RAB8B: variants seen among roughly 807,000 people sequenced by gnomAD.
RAB8B encodes the protein ras-related protein Rab-8B.
Under a neutral mutation model 32.0 loss-of-function variants are expected in RAB8B, and 11 were observed. The observed-to-expected ratio is 0.34, with a 90% CI of 0.22 to 0.57. The LOEUF is 0.57. RAB8B is among the 20% of genes least tolerant of loss of function. The pLI is 0.86. For synonymous variants in RAB8B, 103 were observed against 89.6 expected (o/e 1.15, Z -0.85); for missense variants, 190 against 258.5 (o/e 0.73, Z 1.82).
Position 63,259,745 on chromosome 15 carries a change from C to A in RAB8B, c.480+53C>A. ...ACGGAGCAGCACCAGTGCTTAGGGGCCTGTGTTCAAACAGCTCTCAGAGCT... is the reference window on the plus strand; with the variant it reads ...ACGGAGCAGCACCAGTGCTTAGGGGACTGTGTTCAAACAGCTCTCAGAGCT... On this transcript the variant is annotated intron_variant, in intron 6 of 7. Coordinates refer to ENST00000321437, the MANE Select transcript of RAB8B (RefSeq NM_016530.3). The surrounding 1 kb of genome is among the most constrained non-coding windows in gnomAD (Gnocchi z 4.4). 6.7e-7 allele frequency: 1 copy of A among 1,484,370 alleles called. No homozygotes were observed. The highest frequency in any genetic ancestry group is 9.4e-7 in the Non-Finnish European group (1 of 1,065,378). The allele number at this position is 1,484,370 out of a possible 1,614,324, so 91.9% of individuals were successfully genotyped here. A position where few individuals can be genotyped will look rare whatever the true frequency, so the allele number is the denominator to read the frequency against.
chr15:63,214,591 G>A (rs376459093), intron 1 of RAB8B, among the ~76,000 whole-genome samples: 1 of 151,990 alleles, frequency 6.6e-6, no homozygotes, highest in African/African-American at 2.4e-5. Flanking sequence ...CATCCACCAC[G>A]GCTTCTCAAA....
At chr15:63,198,929 C>T (rs767360646) in intron 1 of RAB8B, among the ~76,000 whole-genome samples, 73 of 152,334 alleles carry the variant, frequency 4.8e-4, no homozygotes, top group Non-Finnish European at 7.9e-4. Context: ...TGGGAGATGT[C>T]AGTGACTAAC....
intron 1 of RAB8B, among the ~76,000 whole-genome samples, chr15:63,206,966 T>C (rs1366601602): frequency 6.6e-6 from 1 of 152,172 alleles, no homozygotes; most frequent in Non-Finnish European, 1.5e-5. Flanking sequence ...ACACTGTTTA[T>C]TATCTGCTCC....
chr15:63,257,113 CTT>C (rs766564465), intron 5 of RAB8B, among the ~76,000 whole-genome samples: 1 of 152,088 alleles, frequency 6.6e-6, no homozygotes, highest in Non-Finnish European at 1.5e-5. Flanking sequence ...GCATTTCTCT[CTT>C]TTGTGTCCTG....
chr15:63,238,452 T>C (rs2038002829), intron 1 of RAB8B, among the ~76,000 whole-genome samples: 1 of 152,094 alleles, frequency 6.6e-6, no homozygotes, highest in Non-Finnish European at 1.5e-5. Flanking sequence ...GTCCCCTTTT[T>C]CTTTCTTATT....
intron 4 of RAB8B, among the ~76,000 whole-genome samples, chr15:63,256,243 C>T (rs1595750661): frequency 6.6e-6 from 1 of 152,148 alleles, no homozygotes; most frequent in African/African-American, 2.4e-5. Flanking sequence ...GAAATTTTGT[C>T]ATTAGATCAC....
chr15:63,253,817 G>A (rs1190679469), intron 3 of RAB8B, among the ~76,000 whole-genome samples: 9 of 152,214 alleles, frequency 5.9e-5, no homozygotes. Flanking sequence ...CCAGGACTTA[G>A]TGACTGATTG....
intron 6 of RAB8B, 117 bp from the exon 7 acceptor site, chr15:63,262,575 G>A (rs189106490): frequency 2.4e-4 from 71 of 300,292 alleles, no homozygotes; most frequent in African/African-American, 1.5e-3. Flanking sequence ...AATTCAGCCA[G>A]GGCAACATAG....
intron 1 of RAB8B, among the ~76,000 whole-genome samples, chr15:63,204,232 G>T (rs1476590547): frequency 6.6e-6 from 1 of 152,164 alleles, no homozygotes; most frequent in Non-Finnish European, 1.5e-5. Flanking sequence ...AGGACTACGT[G>T]CATTTTACAA....
At chr15:63,205,613 T>C (rs1480804371) in intron 1 of RAB8B, among the ~76,000 whole-genome samples, 4 of 152,216 alleles carry the variant, frequency 2.6e-5, no homozygotes, top group Non-Finnish European at 4.4e-5. Context: ...ACCATAGTTA[T>C]GTTCAGGGAA....
chr15:63,219,170 C>T (rs763703593), intron 1 of RAB8B, among the ~76,000 whole-genome samples: 5 of 151,370 alleles, frequency 3.3e-5, no homozygotes, highest in African/African-American at 4.9e-5. Flanking sequence ...TGGTGGCACG[C>T]GCCTGTAGTC....
At chr15:63,226,331 T>A (rs1305171495) in intron 1 of RAB8B, among the ~76,000 whole-genome samples, 2 of 152,220 alleles carry the variant, frequency 1.3e-5, no homozygotes, top group African/African-American at 4.8e-5. Flanking sequence ...TACAATTTGA[T>A]AAATGGATTA....
chr15:63,256,522 C>T lies in RAB8B; in HGVS notation c.342C>T (p.Val114=), dbSNP rs775166780. Residue 114 remains valine, a synonymous_variant, in exon 5 of 8, where the codon GTC becomes GTT. Transcript: ENST00000321437. ...RNIEEHASSD[V]ERMILGNKCD... ...CCCTGCAGCATGCCTCTTCCGATGT[C>T]GAAAGAATGATCCTGGGTAACAAAT... The T allele has an allele frequency of 2.7e-5, 44 of 1,600,126 alleles. 1 individual carries two copies. Among genetic ancestry groups the T allele is most frequent in the South Asian group, 2.7e-4 (24 of 87,760 alleles).
chr15:63,221,994 C>A (rs141773672), intron 1 of RAB8B, among the ~76,000 whole-genome samples: 7 of 152,278 alleles, frequency 4.6e-5, no homozygotes, highest in Non-Finnish European at 8.8e-5. Context: ...GGTCAGTTTT[C>A]TCTAATATTC....
At chr15:63,194,889 C>T (rs1017428989) in intron 1 of RAB8B, among the ~76,000 whole-genome samples, 1 of 152,210 alleles carries the variant, frequency 6.6e-6, no homozygotes, top group Non-Finnish European at 1.5e-5. Context: ...AAAATATTTA[C>T]TAACTGGTTC....
At chr15:63,209,867 A>T (rs908492377) in intron 1 of RAB8B, among the ~76,000 whole-genome samples, 2 of 151,992 alleles carry the variant, frequency 1.3e-5, no homozygotes, top group African/African-American at 4.8e-5. Flanking sequence ...CGTCATCTAC[A>T]TTAGGTATTT....
At chr15:63,202,988 A>G (rs931627737) in intron 1 of RAB8B, among the ~76,000 whole-genome samples, 3 of 152,180 alleles carry the variant, frequency 2.0e-5, no homozygotes, top group Non-Finnish European at 4.4e-5. Context: ...TATAGTCTTG[A>G]TTTATGCAGT....
intron 1 of RAB8B, 21 bp downstream of exon 1, chr15:63,189,769 C>G: frequency 7.2e-7 from 1 of 1,395,514 alleles, no homozygotes; most frequent in East Asian, 2.7e-5. Context: ...GGCCGCGGCC[C>G]GGGACCGGGT....
chr15:63,231,156 A>G (rs1168154348), intron 1 of RAB8B, among the ~76,000 whole-genome samples: 2 of 152,234 alleles, frequency 1.3e-5, no homozygotes, highest in South Asian at 4.1e-4. Context: ...TTATTATCTG[A>G]TACATTACAT....
Sources: allele counts gnomAD v4.1 joint callset (sites outside exome capture counted in the v4.1 genomes callset), GRCh38; gene constraint gnomAD v4.1.1; non-coding constraint Gnocchi (gnomAD v3.1); transcripts MANE v1.5; gene names NCBI Gene and HGNC (gene_info 2026-07-23, HGNC 2026-07-21).